The following GALNT13 variants were observed in gnomAD, a reference collection of about 807,000 sequenced individuals.
GALNT13 encodes polypeptide N-acetylgalactosaminyltransferase 13.
GALNT13 carries 28 observed loss-of-function variants against 64.2 expected under a neutral mutation model. The observed-to-expected ratio is 0.44, with a 90% CI of 0.32 to 0.60. GALNT13 has a LOEUF of 0.60. GALNT13 is among the 20% of genes least tolerant of loss of function. The probability of loss-of-function intolerance (pLI) is 0.05; values close to 1 mark genes in which losing one functional copy is unlikely to be tolerated. For missense variants in GALNT13, 577 were observed against 669.8 expected, an observed-to-expected ratio of 0.86 and a Z score of 1.53; for synonymous variants, 214 against 224.6, an observed-to-expected ratio of 0.95 and a Z score of 0.42.
At chr2:153,607,669 G>T in the GALNT13 span, among the ~76,000 whole-genome samples, 2 of 152,006 alleles carry the variant, frequency 1.3e-5, no homozygotes, top group African/African-American at 4.8e-5. Context: ...GAAGACAGAG[G>T]CTAAATTGAA....
chr2:153,122,607 T>C, the GALNT13 span, among the ~76,000 whole-genome samples: 81 of 152,348 alleles, frequency 5.3e-4, no homozygotes, highest in African/African-American at 1.9e-3. Flanking sequence ...TTGTGGTTAG[T>C]GGACAAGGAT....
At chr2:153,582,581 A>T in the GALNT13 span, among the ~76,000 whole-genome samples, 2 of 152,202 alleles carry the variant, frequency 1.3e-5, no homozygotes, top group Non-Finnish European at 1.5e-5. Flanking sequence ...CTAAAATTCT[A>T]TTAAAATGAT....
the GALNT13 span, among the ~76,000 whole-genome samples, chr2:153,479,357 G>T: frequency 6.6e-6 from 1 of 152,146 alleles, no homozygotes; most frequent in Non-Finnish European, 1.5e-5. Flanking sequence ...AGGAAGAAAG[G>T]AAGGAAGGAA....
chr2:153,616,313 C>T, the GALNT13 span, among the ~76,000 whole-genome samples: 46 of 151,882 alleles, frequency 3.0e-4, no homozygotes, highest in African/African-American at 9.9e-4. Context: ...TGCCACTACC[C>T]GCTATTTTGG....
chr2:153,332,447 G>T, the GALNT13 span, among the ~76,000 whole-genome samples: 1 of 150,970 alleles, frequency 6.6e-6, no homozygotes, highest in Admixed American at 6.6e-5. Context: ...TCAGGAACAA[G>T]TTGTTTAATT....
chr2:153,539,996 A>T, the GALNT13 span, among the ~76,000 whole-genome samples: 5 of 152,238 alleles, frequency 3.3e-5, no homozygotes, highest in African/African-American at 9.6e-5. Context: ...CCAGCTGCAG[A>T]AACGTGCACA....
chr2:153,392,960 A>G, the GALNT13 span, among the ~76,000 whole-genome samples: 1 of 152,068 alleles, frequency 6.6e-6, no homozygotes, highest in Non-Finnish European at 1.5e-5. Context: ...AGAAGGCAAC[A>G]TCTGTAAAAA....
chr2:153,369,479 A>T, the GALNT13 span, among the ~76,000 whole-genome samples: 3 of 152,178 alleles, frequency 2.0e-5, no homozygotes, highest in African/African-American at 2.4e-5. Flanking sequence ...AGAAAATATC[A>T]TTGCAGACAT....
At chr2:153,333,222 G>GT in the GALNT13 span, among the ~76,000 whole-genome samples, 1 of 152,182 alleles carries the variant, frequency 6.6e-6, no homozygotes, top group African/African-American at 2.4e-5. Flanking sequence ...TTTACCCAGT[G>GT]TTTTTCCCTC....
chr2:154,297,936 C>T (rs1242858799), intron 8 of GALNT13, among the ~76,000 whole-genome samples: 4 of 151,152 alleles, frequency 2.6e-5, no homozygotes, highest in African/African-American at 9.7e-5. Flanking sequence ...ATCAACAAAC[C>T]AAGTTTGAAC....
rs115931446 is a variant in GALNT13, at chr2:154,336,535, A to G, written c.1156+34946A>G. ...AAATGCAAAGTTACTGTGTTGGCAA[A>G]GCATTTTATTTAAAGTATGGTTATA... On this transcript the variant is annotated intron_variant, in intron 9 of 12. Coordinates refer to ENST00000392825, the MANE Select transcript of GALNT13 (RefSeq NM_052917.4). Among the ~76,000 whole-genome samples, 1,184 of 152,276 alleles carry G rather than the reference A, an allele frequency of 7.8e-3. 13 individuals carry two copies. Among genetic ancestry groups the G allele is most frequent in the African/African-American group, 0.027 (1,126 of 41,558 alleles).
At chr2:153,659,898 T>C in the GALNT13 span, among the ~76,000 whole-genome samples, 1 of 152,276 alleles carries the variant, frequency 6.6e-6, no homozygotes, top group South Asian at 2.1e-4. Flanking sequence ...GGAGATAGTC[T>C]AAAGTATTCT....
the GALNT13 span, among the ~76,000 whole-genome samples, chr2:153,293,130 A>G: frequency 1.1e-4 from 16 of 152,040 alleles, no homozygotes; most frequent in African/African-American, 3.9e-4. Context: ...TATTATCAAA[A>G]CCAACCCCAT....
the GALNT13 span, among the ~76,000 whole-genome samples, chr2:153,661,715 C>T: frequency 6.6e-6 from 1 of 152,142 alleles, no homozygotes; most frequent in Non-Finnish European, 1.5e-5. Context: ...TTTTCTGTAA[C>T]TTATTTCTCC....
intron 3 of GALNT13, among the ~76,000 whole-genome samples, chr2:154,011,693 G>A (rs1450242232): frequency 6.6e-6 from 1 of 152,032 alleles, no homozygotes; most frequent in Admixed American, 6.6e-5. Flanking sequence ...GTTATTGTGT[G>A]GTTATCTAAG....
chr2:153,630,792 TATATATATATATATA>T, the GALNT13 span, among the ~76,000 whole-genome samples: 16 of 12,384 alleles, frequency 1.3e-3, no homozygotes, highest in South Asian at 6.4e-3. Flanking sequence ...TATATATATA[TATATATATATATATA>T]TTTTTTTTTT....
At chr2:153,719,514 G>C in the GALNT13 span, among the ~76,000 whole-genome samples, 1 of 152,206 alleles carries the variant, frequency 6.6e-6, no homozygotes. Flanking sequence ...GAGCGACGCA[G>C]AAGACGGGTG....
the GALNT13 span, among the ~76,000 whole-genome samples, chr2:153,783,850 T>G: frequency 6.6e-6 from 1 of 152,206 alleles, no homozygotes; most frequent in Non-Finnish European, 1.5e-5. Flanking sequence ...GTAAGTTTCC[T>G]AAAGCCTTCC....
chr2:153,940,924 T>G (rs1691296602), intron 2 of GALNT13, among the ~76,000 whole-genome samples: 1 of 152,218 alleles, frequency 6.6e-6, no homozygotes, highest in South Asian at 2.1e-4. Context: ...ATAGATTCCC[T>G]AAGTAATAAC....
Sources: allele counts gnomAD v4.1 joint callset (sites outside exome capture counted in the v4.1 genomes callset), GRCh38; gene constraint gnomAD v4.1.1; transcripts MANE v1.5; gene names NCBI Gene and HGNC (gene_info 2026-07-23, HGNC 2026-07-21).